ADAMTS18: variants seen among roughly 807,000 people sequenced by gnomAD.
The protein encoded by ADAMTS18 is ADAM metallopeptidase with thrombospondin type 1 motif 18.
In ADAMTS18, 157 loss-of-function variants were observed where a neutral mutation model predicts 165.9. The ratio of observed to expected loss-of-function variants is 0.95; its 90% CI spans 0.83 to 1.08. The LOEUF is 1.08. Among genes scored for constraint, ADAMTS18 ranks in the 50% least tolerant of loss-of-function variants. The pLI is 0.00. For synonymous variants in ADAMTS18, 782 were observed against 578.2 expected (o/e 1.35, Z -5.06); for missense variants, 2,040 against 1,534.0 (o/e 1.33, Z -5.51).
intron 11 of ADAMTS18, among the ~76,000 whole-genome samples, chr16:77,336,226 A>C (rs1174831700): frequency 6.6e-6 from 1 of 152,206 alleles, no homozygotes; most frequent in Non-Finnish European, 1.5e-5. Flanking sequence ...TAAAGTTACA[A>C]GGAAGCCTGC....
At chr16:77,339,287 A>G (rs1257572059) in intron 11 of ADAMTS18, among the ~76,000 whole-genome samples, 3 of 152,102 alleles carry the variant, frequency 2.0e-5, no homozygotes, top group Non-Finnish European at 2.9e-5. Context: ...ACTTATTAAG[A>G]TGCTTTCTGT....
At chr16:77,427,271 G>A (rs1265814716) in intron 3 of ADAMTS18, among the ~76,000 whole-genome samples, 1 of 152,168 alleles carries the variant, frequency 6.6e-6, no homozygotes, top group African/African-American at 2.4e-5. Context: ...GGATCACTAA[G>A]ACAGATGATT....
intron 3 of ADAMTS18, among the ~76,000 whole-genome samples, chr16:77,429,480 G>C (rs1167017935): frequency 6.6e-6 from 1 of 152,090 alleles, no homozygotes; most frequent in Non-Finnish European, 1.5e-5. Flanking sequence ...GATAACCATT[G>C]GGTACTGGGC....
chr16:77,389,532 A>G (rs946079994), intron 3 of ADAMTS18, among the ~76,000 whole-genome samples: 1 of 152,140 alleles, frequency 6.6e-6, no homozygotes, highest in Non-Finnish European at 1.5e-5. Context: ...CCTGCGAATA[A>G]GTAATGGAGC....
In ADAMTS18 at chr16:77,300,362, C is replaced by A; in HGVS notation, c.2575G>T (p.Ala859Ser). ...GKNPGIAWKY[A>S]LPKVMNGTPP... Reference sequence around the variant, plus strand: ...GTTCCATTCATGACCTTGGGAAGTGCATACTTCCAAGCTATCCCTGGATTT... The same window carrying A: ...GTTCCATTCATGACCTTGGGAAGTGAATACTTCCAAGCTATCCCTGGATTT... The change falls in exon 17 of 23, where the codon GCA (alanine) becomes TCA (serine). Residue 859 changes from alanine to serine, a missense_variant. Transcript: ENST00000282849. 1.9e-6 allele frequency: 3 copies of A among 1,613,890 alleles called. No individual in the cohort carries two copies. Among genetic ancestry groups the A allele is most frequent in the Non-Finnish European group, 2.5e-6 (3 of 1,179,864 alleles).
intron 16 of ADAMTS18, 27 bp from the exon 17 acceptor site, chr16:77,300,431 G>A: frequency 6.2e-7 from 1 of 1,613,600 alleles, no homozygotes. Flanking sequence ...AAAAATCAGA[G>A]ATCAAGATAC....
intron 3 of ADAMTS18, among the ~76,000 whole-genome samples, chr16:77,420,862 C>T (rs2057593032): frequency 1.3e-5 from 2 of 152,258 alleles, no homozygotes; most frequent in Non-Finnish European, 2.9e-5. Context: ...CTTCATTTAC[C>T]TCCTAGAAGA....
intron 3 of ADAMTS18, among the ~76,000 whole-genome samples, chr16:77,426,013 C>A (rs1378761223): frequency 2.0e-5 from 3 of 151,972 alleles, no homozygotes; most frequent in East Asian, 3.9e-4. Context: ...TGCACTCCAG[C>A]CTGGGCAACA....
chr16:77,364,512 T>C (rs974373527), intron 4 of ADAMTS18, 131 bp from the exon 5 acceptor site: 50 of 980,766 alleles, frequency 5.1e-5, no homozygotes, highest in Non-Finnish European at 6.7e-5. Context: ...TAACAAGTGA[T>C]GCTATCAGTG....
At chr16:77,293,040 C>T (rs778977542) in intron 20 of ADAMTS18, 36 bp downstream of exon 20, 32 of 1,613,000 alleles carry the variant, frequency 2.0e-5, no homozygotes, top group Middle Eastern at 1.7e-4. Flanking sequence ...AGGATGGTCT[C>T]AATCTCCTGA....
chr16:77,403,196 G>A (rs1454922199), intron 3 of ADAMTS18, among the ~76,000 whole-genome samples: 1 of 152,120 alleles, frequency 6.6e-6, no homozygotes, highest in Non-Finnish European at 1.5e-5. Flanking sequence ...AGATAAGTGG[G>A]AAAGAAAATA....
intron 3 of ADAMTS18, among the ~76,000 whole-genome samples, chr16:77,393,351 G>A (rs2057214967): frequency 6.6e-6 from 1 of 152,176 alleles, no homozygotes; most frequent in Non-Finnish European, 1.5e-5. Flanking sequence ...AGGCTGGTTT[G>A]AGCCAGCAGG....
At chr16:77,363,017 G>C (rs1355874526) in intron 6 of ADAMTS18, among the ~76,000 whole-genome samples, 1 of 152,126 alleles carries the variant, frequency 6.6e-6, no homozygotes, top group East Asian at 1.9e-4. Context: ...TGGGCAATTA[G>C]ATCAACTTTT....
intron 2 of ADAMTS18, among the ~76,000 whole-genome samples, chr16:77,433,145 C>A (rs1029181861): frequency 5.9e-5 from 9 of 152,238 alleles, no homozygotes; most frequent in Non-Finnish European, 1.2e-4. Flanking sequence ...TGATTATGTG[C>A]AATTTCTTAG....
chr16:77,301,759 A>G (rs17687192), intron 16 of ADAMTS18, among the ~76,000 whole-genome samples: 47,419 of 152,110 alleles, frequency 0.31, 8,142 homozygotes, highest in East Asian at 0.59. Flanking sequence ...TATTATGACT[A>G]ACTCTTAAGA....
intron 3 of ADAMTS18, among the ~76,000 whole-genome samples, chr16:77,415,063 T>C (rs1230273223): frequency 6.6e-6 from 1 of 152,206 alleles, no homozygotes; most frequent in African/African-American, 2.4e-5. Flanking sequence ...AGACCAGTAA[T>C]GTATCCAAGA....
chr16:77,381,259 A>G (rs8061208), intron 3 of ADAMTS18, among the ~76,000 whole-genome samples: 72 of 149,350 alleles, frequency 4.8e-4, no homozygotes, highest in African/African-American at 1.7e-3. Context: ...CTCTTAAAAA[A>G]CACACATTCT....
intron 8 of ADAMTS18, 110 bp downstream of exon 8, chr16:77,359,208 A>G: frequency 1.0e-6 from 1 of 956,576 alleles, no homozygotes; most frequent in East Asian, 2.6e-5. Flanking sequence ...TAAGCTTTAC[A>G]CAAGACTGAT....
rs763565905 is a variant in ADAMTS18, at chr16:77,289,278, G to A, written c.3536C>T (p.Ala1179Val). 7 of 1,614,156 alleles carry A rather than the reference G, an allele frequency of 4.3e-6. No individual in the cohort carries two copies. Among genetic ancestry groups the A allele is most frequent in the Admixed American group, 1.7e-5 (1 of 60,016 alleles). ...TGCCTTTTTACCTCTCTTTTCAGGA[G>A]CTGGACAGAAGTTTGTATTACAGGC... ...LRACNTNFCP[A>V]PEKREDPSCV... Residue 1179 changes from alanine to valine, a missense_variant, in exon 22 of 23, where the codon GCT becomes GTT. Physicochemically the swap from Ala to Val is moderately conservative, Grantham distance 64 (BLOSUM62 0). Coordinates refer to ENST00000282849, the MANE Select transcript of ADAMTS18 (RefSeq NM_199355.4).
Sources: allele counts gnomAD v4.1 joint callset (sites outside exome capture counted in the v4.1 genomes callset), GRCh38; gene constraint gnomAD v4.1.1; transcripts MANE v1.5; gene names NCBI Gene and HGNC (gene_info 2026-07-23, HGNC 2026-07-21).